The following RSBN1L variants were observed in gnomAD, a reference collection of about 807,000 sequenced individuals.
RSBN1L encodes the protein round spermatid basic protein 1 like.
In RSBN1L, 30 loss-of-function variants were observed where a neutral mutation model predicts 67.7. The observed-to-expected ratio is 0.44, with a 90% CI of 0.33 to 0.60. The LOEUF is 0.60. RSBN1L is among the 20% of genes least tolerant of loss of function. The probability of loss-of-function intolerance (pLI) is 0.02; values close to 1 mark genes in which losing one functional copy is unlikely to be tolerated. For synonymous variants in RSBN1L, 433 were observed against 387.0 expected, an observed-to-expected ratio of 1.12 and a Z score of -1.39; for missense variants, 992 against 1,031.7, an observed-to-expected ratio of 0.96 and a Z score of 0.53.
At chr7:77,764,061 T>C (rs369840296) in intron 3 of RSBN1L, among the ~76,000 whole-genome samples, 119 of 152,372 alleles carry the variant, frequency 7.8e-4, no homozygotes, top group Middle Eastern at 3.4e-3. Context: ...TTACCAGCTA[T>C]GATTGTAAGG....
chr7:77,713,110 C>T (rs1365303386), intron 1 of RSBN1L, among the ~76,000 whole-genome samples: 3 of 152,036 alleles, frequency 2.0e-5, no homozygotes, highest in Non-Finnish European at 2.9e-5. Flanking sequence ...TCACATTTCA[C>T]TTATATGTTC....
chr7:77,775,070 C>T (rs1239107169), intron 6 of RSBN1L, among the ~76,000 whole-genome samples: 2 of 152,014 alleles, frequency 1.3e-5, no homozygotes, highest in Non-Finnish European at 2.9e-5. Context: ...TATTACTGTT[C>T]CTTGCAGAGC....
intron 6 of RSBN1L, among the ~76,000 whole-genome samples, chr7:77,777,321 CA>C (rs1286671069): frequency 6.6e-6 from 1 of 151,842 alleles, no homozygotes; most frequent in Non-Finnish European, 1.5e-5. Context: ...TCATATTTAT[CA>C]TTAGGTGTGC....
At position 77,774,910 on chromosome 7, in the gene RSBN1L, A is replaced by G. The variant is rs375919031; in HGVS notation, c.1793+1596A>G. ...AGGGCCTCACTCTGTTGCCCAGGCT[A>G]TAGTTCAGTGGTGCTGTCATGGCTC... On this transcript the variant is annotated intron_variant, in intron 6 of 7. Transcript: ENST00000334955. 6.6e-5 allele frequency among the ~76,000 whole-genome samples: 10 copies of G among 151,530 alleles called. No individual in the cohort carries two copies. The East Asian group carries it at 9.7e-4, about 15-fold the overall frequency.
chr7:77,742,484 A>G (rs1039964381), intron 2 of RSBN1L, among the ~76,000 whole-genome samples: 1 of 152,136 alleles, frequency 6.6e-6, no homozygotes, highest in African/African-American at 2.4e-5. Context: ...TATAGGCACC[A>G]TTTGCCTACC....
At chr7:77,722,725 A>G (rs1562797443) in intron 1 of RSBN1L, among the ~76,000 whole-genome samples, 1 of 151,372 alleles carries the variant, frequency 6.6e-6, no homozygotes. Context: ...TCTCTCATCT[A>G]TTTCTAGCCA....
intron 3 of RSBN1L, among the ~76,000 whole-genome samples, chr7:77,760,198 GT>G (rs1351121162): frequency 2.0e-5 from 3 of 151,712 alleles, no homozygotes; most frequent in Non-Finnish European, 4.4e-5. Flanking sequence ...ATCCTAAAGT[GT>G]TTTTTTTAAA....
rs1025436396 is a variant in RSBN1L at position 77,778,775 on chromosome 7, A to T, written c.2148A>T (p.Ser716=). ...HETGTSSDST[S]SVLGPHTDNM... Reference sequence around the variant, plus strand: ...CAGGCACATCATCAGATTCCACATCATCTGTTCTTGGACCTCACACTGACA... The same window carrying T: ...CAGGCACATCATCAGATTCCACATCTTCTGTTCTTGGACCTCACACTGACA... Residue 716 remains serine (S), a synonymous_variant, in exon 8 of 8, where the codon TCA becomes TCT. Coordinates refer to ENST00000334955, the MANE Select transcript of RSBN1L (RefSeq NM_198467.3). 6.2e-7 allele frequency: 1 copy of T among 1,614,036 alleles called. No homozygotes were observed. The highest frequency in any genetic ancestry group is 8.5e-7 in the Non-Finnish European group (1 of 1,180,026).
chr7:77,713,424 T>C (rs1007539337), intron 1 of RSBN1L, among the ~76,000 whole-genome samples: 4 of 151,712 alleles, frequency 2.6e-5, no homozygotes, highest in Admixed American at 6.6e-5. Flanking sequence ...TGGTGTGATA[T>C]CAGCTCACTG....
chr7:77,736,861 A>T (rs538100043), intron 2 of RSBN1L, among the ~76,000 whole-genome samples: 3 of 152,174 alleles, frequency 2.0e-5, no homozygotes, highest in Non-Finnish European at 4.4e-5. Context: ...AAAATTGCCA[A>T]AGCAAGTTTT....
chr7:77,738,897 C>A (rs1219820565), intron 2 of RSBN1L, among the ~76,000 whole-genome samples: 4 of 152,100 alleles, frequency 2.6e-5, no homozygotes, highest in Non-Finnish European at 4.4e-5. Flanking sequence ...CAAGATGGTG[C>A]CACTGCACTC....
At chr7:77,745,632 ACCT>A in intron 2 of RSBN1L, among the ~76,000 whole-genome samples, 1 of 152,296 alleles carries the variant, frequency 6.6e-6, no homozygotes, top group East Asian at 1.9e-4. Context: ...GTGGTCCCCA[ACCT>A]TATTGGTACC....
intron 1 of RSBN1L, among the ~76,000 whole-genome samples, chr7:77,729,616 A>G (rs1030642792): frequency 3.3e-5 from 5 of 152,212 alleles, no homozygotes; most frequent in Admixed American, 1.3e-4. Context: ...CTGCTAAATC[A>G]TAAGTTCACC....
At chr7:77,775,228 T>C (rs1054233549) in intron 6 of RSBN1L, among the ~76,000 whole-genome samples, 5 of 152,146 alleles carry the variant, frequency 3.3e-5, no homozygotes, top group African/African-American at 4.8e-5. Flanking sequence ...TAGAGCAGTT[T>C]AATTTTTTAA....
chr7:77,742,180 A>AAAC (rs1554340015), intron 2 of RSBN1L, among the ~76,000 whole-genome samples: 4 of 82,178 alleles, frequency 4.9e-5, no homozygotes, highest in African/African-American at 1.2e-4. Flanking sequence ...AAAAAAAAAA[A>AAAC]ATACACACAC....
chr7:77,774,608 G>A (rs1456114891), intron 6 of RSBN1L, among the ~76,000 whole-genome samples: 11 of 152,062 alleles, frequency 7.2e-5, no homozygotes, highest in Admixed American at 5.9e-4. Context: ...GTGGTGGCAC[G>A]TGCCTGTAAT....
intron 1 of RSBN1L, among the ~76,000 whole-genome samples, chr7:77,724,986 G>A (rs1791177082): frequency 6.7e-6 from 1 of 149,920 alleles, no homozygotes; most frequent in East Asian, 2.0e-4. Flanking sequence ...GGGATTATAG[G>A]CACACACCAC....
chr7:77,745,262 CAAAAA>C (rs372240966), intron 2 of RSBN1L, among the ~76,000 whole-genome samples: 1 of 74,848 alleles, frequency 1.3e-5, no homozygotes, highest in Non-Finnish European at 2.8e-5. Flanking sequence ...AACTCCGTCT[CAAAAA>C]AAAAAAAAAA....
intron 5 of RSBN1L, among the ~76,000 whole-genome samples, chr7:77,769,953 T>A (rs1791824812): frequency 6.6e-6 from 1 of 152,204 alleles, no homozygotes; most frequent in Non-Finnish European, 1.5e-5. Flanking sequence ...GCACTCCTAC[T>A]TTTGGGAATC....
Sources: gnomAD v4.1 joint callset for allele counts (sites outside exome capture counted in the v4.1 genomes callset) on GRCh38, gnomAD v4.1.1 for gene constraint, MANE v1.5 for transcripts, NCBI Gene and HGNC (gene_info 2026-07-23, HGNC 2026-07-21) for gene names.